The following CFTR variants were observed in gnomAD, a reference collection of about 807,000 sequenced individuals.
CFTR encodes cystic fibrosis transmembrane conductance regulator.
A neutral mutation model predicts 171.6 loss-of-function variants in CFTR; 181 were observed. That is an observed-to-expected ratio of 1.05 (90% confidence interval 0.93 to 1.19). The LOEUF is 1.19. Ranked by LOEUF, CFTR falls within the 50% of genes most tolerant of loss-of-function variation. The pLI, the probability that CFTR is intolerant of heterozygous loss-of-function variation, is 0.00. For synonymous variants in CFTR, 583 were observed against 608.0 expected, an observed-to-expected ratio of 0.96 and a Z score of 0.60; for missense variants, 1,968 against 1,734.7, an observed-to-expected ratio of 1.13 and a Z score of -2.39.
chr7:117,605,808 A>G (rs529101172), intron 17 of CFTR, among the ~76,000 whole-genome samples: 2 of 152,312 alleles, frequency 1.3e-5, no homozygotes, highest in African/African-American at 4.8e-5. Context: ...TGTACTAGGT[A>G]GGTGGGTTGA....
At chr7:117,594,281 G>A (rs550956061) in intron 14 of CFTR, among the ~76,000 whole-genome samples, 1 of 152,224 alleles carries the variant, frequency 6.6e-6, no homozygotes, top group Admixed American at 6.5e-5. Context: ...TTTCCCATGA[G>A]TTTTGTTGAT....
intron 9 of CFTR, among the ~76,000 whole-genome samples, chr7:117,544,148 T>A: frequency 6.6e-6 from 1 of 152,326 alleles, no homozygotes; most frequent in South Asian, 2.1e-4. Context: ...TCAGCTGCAC[T>A]CTCAATTCCC....
Position 117,548,753 on chromosome 7 carries a change from T to C in CFTR, c.1322T>C (p.Leu441Pro), listed in dbSNP as rs397508188. The change falls in exon 10 of 27, where the codon CTG (leucine) becomes CCG (proline). Residue 441 changes from leucine (L) to proline (P), a missense_variant. By Grantham distance (98) the Leu-to-Pro change is moderately conservative. Coordinates refer to ENST00000003084, the MANE Select transcript of CFTR (RefSeq NM_000492.4). Reference sequence around the variant, plus strand: ...TTCTCACTTCTTGGTACTCCTGTCCTGAAAGATATTAATTTCAAGATAGAA... The same window carrying C: ...TTCTCACTTCTTGGTACTCCTGTCCCGAAAGATATTAATTTCAAGATAGAA... Reference protein sequence around the residue: ...SNFSLLGTPVLKDINFKIERG... With the variant: ...SNFSLLGTPVPKDINFKIERG... 1.2e-6 allele frequency: 2 copies of C among 1,612,956 alleles called. No homozygotes were observed. Among genetic ancestry groups the C allele is most frequent in the East Asian group, 4.5e-5 (2 of 44,840 alleles).
intron 1 of CFTR, among the ~76,000 whole-genome samples, chr7:117,490,194 G>A (rs1020441576): frequency 1.3e-5 from 2 of 151,666 alleles, no homozygotes; most frequent in Non-Finnish European, 2.9e-5. Flanking sequence ...AGCTACTCTC[G>A]TCAGTACAAT....
chr7:117,569,228 A>G (rs1791649666), intron 11 of CFTR, among the ~76,000 whole-genome samples: 1 of 152,128 alleles, frequency 6.6e-6, no homozygotes, highest in Admixed American at 6.6e-5. Flanking sequence ...CGCAGAGAAA[A>G]GAGGGGCTGT....
chr7:117,612,639 T>C (rs547410993), intron 20 of CFTR, among the ~76,000 whole-genome samples: 1 of 152,224 alleles, frequency 6.6e-6, no homozygotes, highest in East Asian at 1.9e-4. Context: ...GATCATTTGA[T>C]TGTAGGAACA....
intron 23 of CFTR, among the ~76,000 whole-genome samples, chr7:117,644,503 G>A (rs527683988): frequency 6.6e-5 from 10 of 151,690 alleles, no homozygotes; most frequent in Non-Finnish European, 8.8e-5. Context: ...TTCCAACTCC[G>A]AGACTTTGCA....
At chr7:117,521,073 T>C (rs905811102) in intron 3 of CFTR, among the ~76,000 whole-genome samples, 1 of 151,980 alleles carries the variant, frequency 6.6e-6, no homozygotes, top group Non-Finnish European at 1.5e-5. Flanking sequence ...AAGATATATA[T>C]CTTATTGCTA....
intron 19 of CFTR, 79 bp from the exon 20 acceptor site, chr7:117,611,502 T>C: frequency 1.1e-6 from 1 of 911,154 alleles, no homozygotes. Flanking sequence ...TAATTTAGTC[T>C]TTTTCAGGTA....
At chr7:117,577,226 T>C (rs981045357) in intron 11 of CFTR, among the ~76,000 whole-genome samples, 1 of 152,000 alleles carries the variant, frequency 6.6e-6, no homozygotes, top group African/African-American at 2.4e-5. Flanking sequence ...GGCTGAAGGG[T>C]AAGGTGGATA....
intron 2 of CFTR, among the ~76,000 whole-genome samples, chr7:117,506,678 G>A (rs1285367423): frequency 1.3e-5 from 2 of 152,096 alleles, no homozygotes; most frequent in African/African-American, 2.4e-5. Context: ...GAATTATCTG[G>A]CTTAACATTT....
At chr7:117,643,211 A>G (rs1489512444) in intron 23 of CFTR, among the ~76,000 whole-genome samples, 1 of 152,138 alleles carries the variant, frequency 6.6e-6, no homozygotes, top group Non-Finnish European at 1.5e-5. Context: ...TTAAAGTGAT[A>G]TAAATGGAAA....
At chr7:117,608,671 T>A (rs1282594119) in intron 18 of CFTR, among the ~76,000 whole-genome samples, 1 of 152,206 alleles carries the variant, frequency 6.6e-6, no homozygotes, top group East Asian at 1.9e-4. Context: ...TGGTTAATTT[T>A]GATTTTGTTA....
chr7:117,654,356 T>C (rs1318565894), intron 24 of CFTR, among the ~76,000 whole-genome samples: 1 of 152,184 alleles, frequency 6.6e-6, no homozygotes, highest in Non-Finnish European at 1.5e-5. Flanking sequence ...ACAGTTGTGC[T>C]GAGTGTAGTG....
chr7:117,511,001 CA>C (rs1562884545), intron 3 of CFTR, among the ~76,000 whole-genome samples: 1 of 152,040 alleles, frequency 6.6e-6, no homozygotes, highest in Admixed American at 6.6e-5. Flanking sequence ...TCTTTAGCTC[CA>C]AAGCCTTTGA....
intron 1 of CFTR, among the ~76,000 whole-genome samples, chr7:117,484,828 A>G (rs1798047175): frequency 6.6e-6 from 1 of 152,030 alleles, no homozygotes; most frequent in Non-Finnish European, 1.5e-5. Flanking sequence ...TTTATATGCT[A>G]GTTAAATTAT....
At chr7:117,571,402 G>A (rs940553539) in intron 11 of CFTR, among the ~76,000 whole-genome samples, 1 of 152,134 alleles carries the variant, frequency 6.6e-6, no homozygotes, top group African/African-American at 2.4e-5. Flanking sequence ...GGCAGCATTT[G>A]GGCATTTCTA....
At chr7:117,624,312 A>G (rs1792621199) in intron 21 of CFTR, among the ~76,000 whole-genome samples, 1 of 152,082 alleles carries the variant, frequency 6.6e-6, no homozygotes. Flanking sequence ...TGATGTTCCT[A>G]TGTGACCTAG....
At chr7:117,639,224 A>C (rs1320892635) in intron 22 of CFTR, among the ~76,000 whole-genome samples, 2 of 152,234 alleles carry the variant, frequency 1.3e-5, no homozygotes, top group Non-Finnish European at 2.9e-5. Context: ...TAATTTAAAG[A>C]ACCTATACTT....
Sources: allele counts gnomAD v4.1 joint callset (sites outside exome capture counted in the v4.1 genomes callset), GRCh38; gene constraint gnomAD v4.1.1; transcripts MANE v1.5; gene names NCBI Gene and HGNC (gene_info 2026-07-23, HGNC 2026-07-21).